GPI: variants seen among roughly 807,000 people sequenced by gnomAD.
GPI encodes the protein D-hexose-6-phosphate anomerase.
A neutral mutation model predicts 75.8 loss-of-function variants in GPI; 56 were observed. The observed-to-expected ratio is 0.74, with a 90% CI of 0.60 to 0.92. The LOEUF (loss-of-function observed/expected upper bound fraction) is 0.92. Among genes scored for constraint, GPI ranks in the 40% least tolerant of loss-of-function variants. The probability of loss-of-function intolerance (pLI) is 0.00; values close to 1 mark genes in which losing one functional copy is unlikely to be tolerated. For missense variants in GPI, 638 were observed against 741.0 expected, an observed-to-expected ratio of 0.86 and a Z score of 1.61; for synonymous variants, 288 against 285.4, an observed-to-expected ratio of 1.01 and a Z score of -0.09.
At chr19:34,374,920 G>A (rs570585152) in intron 4 of GPI, among the ~76,000 whole-genome samples, 2 of 151,572 alleles carry the variant, frequency 1.3e-5, no homozygotes, top group African/African-American at 2.4e-5. Flanking sequence ...TAGAGATGAC[G>A]TCTTGCTATG....
At chr19:34,383,895 T>C (rs1211035579) in intron 9 of GPI, among the ~76,000 whole-genome samples, 1 of 152,168 alleles carries the variant, frequency 6.6e-6, no homozygotes, top group African/African-American at 2.4e-5. Context: ...CAGCCAGGGA[T>C]CTGTCATGTG....
intron 9 of GPI, among the ~76,000 whole-genome samples, chr19:34,391,879 T>G: frequency 9.7e-5 from 1 of 10,320 alleles, no homozygotes; most frequent in Non-Finnish European, 2.2e-4. Flanking sequence ...GATCTGGGTC[T>G]GTCAATGTCT....
At chr19:34,383,214 C>T (rs1187837827) in intron 9 of GPI, among the ~76,000 whole-genome samples, 1 of 152,180 alleles carries the variant, frequency 6.6e-6, no homozygotes, top group Non-Finnish European at 1.5e-5. Context: ...CGCCACAGGG[C>T]CAGTTTTGGC....
intron 8 of GPI, 111 bp downstream of exon 8, chr19:34,379,673 A>G (rs2074611822): frequency 2.2e-6 from 2 of 924,102 alleles, no homozygotes; most frequent in African/African-American, 1.6e-5. Context: ...GGCTTGGCTG[A>G]TGGTATGGAA....
chr19:34,365,756 T>G, intron 1 of GPI: 1 of 482,404 alleles, frequency 2.1e-6, no homozygotes, highest in East Asian at 6.2e-5. Flanking sequence ...GGCTGTCCCT[T>G]TCCATCCGCT....
chr19:34,379,423 A>G lies in GPI; in HGVS notation c.706-95A>G, dbSNP rs1209022516. 3 of 1,047,844 alleles carry G rather than the reference A, an allele frequency of 2.9e-6. No homozygotes were observed. In the African/African-American group the frequency reaches 4.7e-5, roughly 16 times the overall value. 64.9% of individuals were successfully genotyped at this position (1,047,844 alleles called of 1,614,324 possible). A position where few individuals can be genotyped will look rare whatever the true frequency, so the allele number is the denominator to read the frequency against. ...CTCAGAACCAAGGACTGGGAATCTC[A>G]GTCCCATGCAGGGCCTTGGTTCCTC... On this transcript the variant is annotated intron_variant, in intron 7 of 17. Transcript: ENST00000356487.
chr19:34,365,187 A>G (rs1408760275), upstream of GPI: 1 of 1,324,124 alleles, frequency 7.6e-7, no homozygotes, highest in Non-Finnish European at 9.6e-7. Flanking sequence ...CCGCGCGCCC[A>G]CGCGCCTCGC....
chr19:34,368,066 T>C (rs867091196), intron 3 of GPI, among the ~76,000 whole-genome samples: 16 of 152,224 alleles, frequency 1.1e-4, no homozygotes, highest in African/African-American at 3.6e-4. Context: ...ACTACAGGTG[T>C]GTGCCACCCC....
At chr19:34,376,885 T>G (rs2145356176) in intron 4 of GPI, among the ~76,000 whole-genome samples, 1 of 151,740 alleles carries the variant, frequency 6.6e-6, no homozygotes, top group Middle Eastern at 3.4e-3. Context: ...TCGTCCCTAC[T>G]AAAAATACAA....
chr19:34,388,988 G>T (rs977353004), intron 9 of GPI, among the ~76,000 whole-genome samples: 1 of 152,026 alleles, frequency 6.6e-6, no homozygotes, highest in Admixed American at 6.5e-5. Context: ...AGCTACTGGG[G>T]AGGCTGAGAT....
chr19:34,377,829 A>C lies in GPI; in HGVS notation c.581A>C (p.Lys194Thr). The C allele has an allele frequency of 6.2e-7, 1 of 1,614,120 alleles. No homozygotes were observed. Among genetic ancestry groups the C allele is most frequent in the Non-Finnish European group, 8.5e-7 (1 of 1,180,004 alleles). Reference protein sequence around the residue: ...VSNIDGTHIAKTLAQLNPESS... With the variant: ...VSNIDGTHIATTLAQLNPESS... ...AACATTGATGGAACTCACATTGCCA[A>C]AACCCTGGCCCAGCTGAACCCCGAG... Residue 194 changes from lysine (K) to threonine (T), a missense_variant, in exon 6 of 18, where the codon AAA (lysine) becomes ACA (threonine). Transcript: ENST00000356487.
At chr19:34,387,145 G>A (rs971696777) in intron 9 of GPI, among the ~76,000 whole-genome samples, 20 of 152,224 alleles carry the variant, frequency 1.3e-4, no homozygotes, top group African/African-American at 4.6e-4. Flanking sequence ...CAGGTTATGT[G>A]AAGCCTGGTC....
chr19:34,393,822 T>G lies in GPI; in HGVS notation c.909+51T>G. The G allele has an allele frequency of 6.2e-7, 1 of 1,607,462 alleles. No homozygotes were observed. Among genetic ancestry groups the G allele is most frequent in the Non-Finnish European group, 8.5e-7 (1 of 1,175,338 alleles). On this transcript the variant is annotated intron_variant, in intron 11 of 17. Transcript: ENST00000356487. This position sits in a 1 kb window ranked among gnomAD's most constrained non-coding sequence, Gnocchi z 4.4. Reference sequence around the variant, plus strand: ...CAAGTGCTGGCCAGAGGCGCGTGTGTTGGTCCTGGTCCCCCGCTTTCTCCC... The same window carrying G: ...CAAGTGCTGGCCAGAGGCGCGTGTGGTGGTCCTGGTCCCCCGCTTTCTCCC...
At chr19:34,388,810 A>G (rs1480726962) in intron 9 of GPI, among the ~76,000 whole-genome samples, 1 of 152,098 alleles carries the variant, frequency 6.6e-6, no homozygotes. Context: ...TCTAGAGCTG[A>G]GTCTGGGCTG....
Position 34,393,612 on chromosome 19 carries a change from C to T in GPI, c.866-116C>T. On this transcript the variant is annotated intron_variant, in intron 10 of 17. Transcript: ENST00000356487. This position sits in a 1 kb window ranked among gnomAD's most constrained non-coding sequence, Gnocchi z 4.4. The stretch of plus-strand genomic sequence containing the variant: ...GGCTTTGTCTAGGTCCGAGTCCTCC[C>T]ATGTCGTATCTTCTGGCTCTCCATG... 9.9e-7 allele frequency: 1 copy of T among 1,007,270 alleles called. No homozygotes were observed. Among genetic ancestry groups the T allele is most frequent in the Non-Finnish European group, 1.6e-6 (1 of 635,438 alleles). 62.4% of individuals were successfully genotyped at this position (1,007,270 alleles called of 1,614,324 possible).
At chr19:34,378,017 G>T in intron 6 of GPI, 136 bp downstream of exon 6, 1 of 846,172 alleles carries the variant, frequency 1.2e-6, no homozygotes, top group South Asian at 1.4e-5. Flanking sequence ...GATCAGGTCA[G>T]TACAGCTGCC....
chr19:34,366,274 C>A, intron 1 of GPI, 71 bp from the exon 2 acceptor site: 1 of 991,200 alleles, frequency 1.0e-6, no homozygotes, highest in Non-Finnish European at 1.6e-6. Flanking sequence ...CTGGGAACAG[C>A]TCCTGCTTAG....
intron 9 of GPI, among the ~76,000 whole-genome samples, chr19:34,382,162 G>A (rs1385114677): frequency 1.3e-5 from 2 of 152,208 alleles, no homozygotes; most frequent in African/African-American, 4.8e-5. Flanking sequence ...CCAGGGTGCA[G>A]GGGTGCAGTG....
chr19:34,391,007 C>T (rs759374006), intron 9 of GPI, among the ~76,000 whole-genome samples: 1 of 150,284 alleles, frequency 6.7e-6, no homozygotes, highest in Non-Finnish European at 1.5e-5. Context: ...GCACCTGGCA[C>T]AGGTATGAGG....
Sources: allele counts gnomAD v4.1 joint callset (sites outside exome capture counted in the v4.1 genomes callset), GRCh38; gene constraint gnomAD v4.1.1; non-coding constraint Gnocchi (gnomAD v3.1); transcripts MANE v1.5; gene names NCBI Gene and HGNC (gene_info 2026-07-23, HGNC 2026-07-21).